TRAPPC9: variants seen among roughly 807,000 people sequenced by gnomAD.
TRAPPC9 encodes the protein trafficking protein particle complex subunit 9, also known as IKK2 binding protein.
TRAPPC9 carries 83 observed loss-of-function variants against 124.0 expected under a neutral mutation model. The observed-to-expected ratio is 0.67, with a 90% CI of 0.56 to 0.80. The LOEUF (loss-of-function observed/expected upper bound fraction) is 0.80. Among genes scored for constraint, TRAPPC9 ranks in the 30% least tolerant of loss-of-function variants. The probability of loss-of-function intolerance (pLI) is 0.00; values close to 1 mark genes in which losing one functional copy is unlikely to be tolerated. For missense variants in TRAPPC9, 1,302 were observed against 1,508.3 expected (o/e 0.86, Z 2.27); for synonymous variants, 638 against 617.5 (o/e 1.03, Z -0.49).
intron 17 of TRAPPC9, among the ~76,000 whole-genome samples, chr8:140,208,471 G>A (rs775034992): frequency 3.9e-5 from 6 of 152,172 alleles, no homozygotes; most frequent in Admixed American, 1.3e-4. Flanking sequence ...CTGCAAATGG[G>A]GTCCAGCAAG....
chr8:140,015,512 G>T (rs889385969), intron 18 of TRAPPC9, among the ~76,000 whole-genome samples: 23 of 152,302 alleles, frequency 1.5e-4, no homozygotes, highest in African/African-American at 5.3e-4. Flanking sequence ...AATTTACACA[G>T]GTCCCTATTA....
chr8:140,408,491 T>C (rs2069578495), intron 5 of TRAPPC9, among the ~76,000 whole-genome samples: 1 of 152,144 alleles, frequency 6.6e-6, no homozygotes, highest in African/African-American at 2.4e-5. Flanking sequence ...TGAGAAAGGT[T>C]TGCCTTTCTC....
intron 17 of TRAPPC9, among the ~76,000 whole-genome samples, chr8:140,147,998 GAGATCCCAC>G (rs1307819192): frequency 2.6e-5 from 4 of 152,238 alleles, no homozygotes; most frequent in Non-Finnish European, 4.4e-5. Context: ...AACACTTCCT[GAGATCCCAC>G]TGTGTGCCAG....
At chr8:140,159,843 C>T (rs542641094) in intron 17 of TRAPPC9, among the ~76,000 whole-genome samples, 29 of 152,342 alleles carry the variant, frequency 1.9e-4, no homozygotes, top group Admixed American at 1.6e-3. Flanking sequence ...GCATCGACCA[C>T]GTTCCTCTTC....
intron 17 of TRAPPC9, among the ~76,000 whole-genome samples, chr8:140,190,613 T>C (rs1372489342): frequency 3.3e-5 from 5 of 152,070 alleles, no homozygotes; most frequent in Non-Finnish European, 4.4e-5. Flanking sequence ...AGATCTTACT[T>C]GAGAAAAGGT....
intron 21 of TRAPPC9, among the ~76,000 whole-genome samples, chr8:139,827,088 C>T (rs745514741): frequency 6.6e-6 from 1 of 152,220 alleles, no homozygotes; most frequent in Non-Finnish European, 1.5e-5. Context: ...TGCAGGACAC[C>T]TCTCACACCT....
intron 17 of TRAPPC9, among the ~76,000 whole-genome samples, chr8:140,101,874 T>C (rs917810529): frequency 3.3e-5 from 5 of 151,964 alleles, no homozygotes; most frequent in Admixed American, 2.6e-4. Context: ...TTTCCTTTTT[T>C]TTTTTCTTTT....
intron 21 of TRAPPC9, 72 bp from the exon 22 acceptor site, chr8:139,732,274 C>T (rs1817888440): frequency 7.4e-7 from 1 of 1,358,424 alleles, no homozygotes; most frequent in African/African-American, 1.4e-5. Context: ...CACCCACTCG[C>T]TGATTCATTC....
At chr8:139,790,879 C>T (rs768433262) in intron 21 of TRAPPC9, among the ~76,000 whole-genome samples, 7 of 152,052 alleles carry the variant, frequency 4.6e-5, no homozygotes, top group South Asian at 4.2e-4. Context: ...GCTGTCCTTG[C>T]GATAGTGAGT....
intron 16 of TRAPPC9, among the ~76,000 whole-genome samples, chr8:140,246,449 T>C (rs1173493301): frequency 6.6e-6 from 1 of 152,236 alleles, no homozygotes; most frequent in Non-Finnish European, 1.5e-5. Context: ...TTTCAAATAG[T>C]TCATGATTTC....
At chr8:139,989,722 G>A (rs947401802) in intron 18 of TRAPPC9, among the ~76,000 whole-genome samples, 17 of 152,188 alleles carry the variant, frequency 1.1e-4, no homozygotes, top group African/African-American at 1.9e-4. Flanking sequence ...TTGGGTGGCC[G>A]TGGCAGCCCT....
rs73713127 is a variant in TRAPPC9, at chr8:140,425,692, A to G, written c.886+923T>C. Among the ~76,000 whole-genome samples, 1,308 of 152,092 alleles carry G rather than the reference A, an allele frequency of 8.6e-3. 19 individuals carry two copies. The highest frequency in any genetic ancestry group is 0.029 in the African/African-American group (1,195 of 41,336). ...CAGCAACTCATACTGGTCAAATACC[A>G]GTACATTCAACATCCATTTCATTTG... is the stretch of plus-strand genomic sequence containing the variant. On this transcript the variant is annotated intron_variant, in intron 5 of 22. Transcript: ENST00000438773.
chr8:140,049,625 G>T (rs1049103536), intron 17 of TRAPPC9, among the ~76,000 whole-genome samples: 1 of 151,178 alleles, frequency 6.6e-6, no homozygotes, highest in Non-Finnish European at 1.5e-5. Context: ...CCATTTGCTC[G>T]TCGGTCTTTG....
At chr8:140,159,924 A>G (rs531390560) in intron 17 of TRAPPC9, among the ~76,000 whole-genome samples, 15 of 152,352 alleles carry the variant, frequency 9.8e-5, no homozygotes, top group Admixed American at 7.2e-4. Flanking sequence ...GCTAATATTC[A>G]GAATCTACAA....
chr8:140,001,637 C>T (rs577420622), intron 18 of TRAPPC9, among the ~76,000 whole-genome samples: 2 of 152,230 alleles, frequency 1.3e-5, no homozygotes, highest in Non-Finnish European at 2.9e-5. Flanking sequence ...CCACTTCAGC[C>T]ACAGACATTA....
intron 19 of TRAPPC9, chr8:139,933,948 G>C (rs1833358425): frequency 6.6e-6 from 1 of 152,142 alleles, no homozygotes; most frequent in African/African-American, 2.4e-5. Flanking sequence ...CATCTACTAT[G>C]CTATGTGGTT....
rs537287103 is a variant in TRAPPC9, at chr8:140,143,421, C to T, written c.2556+78038G>A. On this transcript the variant is annotated intron_variant, in intron 17 of 22. Coordinates refer to ENST00000438773, the MANE Select transcript of TRAPPC9 (RefSeq NM_001160372.4). Reference sequence around the variant, plus strand: ...CTATATGTCAGTCACGTCTCCTCCCCTTTTGGAAATTCTCTAACTTTTCTT... The same window carrying T: ...CTATATGTCAGTCACGTCTCCTCCCTTTTTGGAAATTCTCTAACTTTTCTT... 2.0e-5 allele frequency among the ~76,000 whole-genome samples: 3 copies of T among 152,338 alleles called. No individual in the cohort carries two copies. In the South Asian group the frequency reaches 6.2e-4, roughly 32 times the overall value.
chr8:140,250,210 A>C (rs959665176), intron 16 of TRAPPC9, among the ~76,000 whole-genome samples: 1 of 152,224 alleles, frequency 6.6e-6, no homozygotes, highest in Admixed American at 6.5e-5. Flanking sequence ...ACAAAGATTA[A>C]ATAGAAATAA....
intron 19 of TRAPPC9, among the ~76,000 whole-genome samples, chr8:139,939,646 C>T (rs368941108): frequency 2.2e-4 from 33 of 152,332 alleles, no homozygotes; most frequent in Non-Finnish European, 1.8e-4. Flanking sequence ...CAGGCCACCC[C>T]GTCGCTGGGG....
Sources: gnomAD v4.1 joint callset for allele counts (sites outside exome capture counted in the v4.1 genomes callset) on GRCh38, gnomAD v4.1.1 for gene constraint, MANE v1.5 for transcripts, NCBI Gene and HGNC (gene_info 2026-07-23, HGNC 2026-07-21) for gene names.